The following HOOK3 variants were observed in gnomAD, a reference collection of about 807,000 sequenced individuals.
The protein encoded by HOOK3 is protein Hook homolog 3.
A neutral mutation model predicts 116.3 loss-of-function variants in HOOK3; 24 were observed. That is an observed-to-expected ratio of 0.21 (90% CI 0.15 to 0.29). The LOEUF (loss-of-function observed/expected upper bound fraction) is 0.29. HOOK3 is among the 10% of genes least tolerant of loss of function. The probability of loss-of-function intolerance (pLI) is 1.00; values close to 1 mark genes in which losing one functional copy is unlikely to be tolerated. For missense variants in HOOK3, 632 were observed against 830.2 expected, an observed-to-expected ratio of 0.76 and a Z score of 2.93; for synonymous variants, 275 against 283.0, an observed-to-expected ratio of 0.97 and a Z score of 0.28.
intron 8 of HOOK3, among the ~76,000 whole-genome samples, chr8:42,962,506 G>A (rs1179451563): frequency 6.7e-6 from 1 of 149,758 alleles, no homozygotes; most frequent in Non-Finnish European, 1.5e-5. Context: ...TCTTGGACTC[G>A]AGTGATCCTC....
At chr8:42,994,486 G>C (rs1809227373) in intron 15 of HOOK3, 1 of 378,166 alleles carries the variant, frequency 2.6e-6, no homozygotes, top group African/African-American at 2.2e-5. Context: ...GTATCCCATA[G>C]ATTTCGGTAT....
chr8:42,923,081 T>G (rs761014577), intron 2 of HOOK3, among the ~76,000 whole-genome samples: 1 of 152,186 alleles, frequency 6.6e-6, no homozygotes, highest in Non-Finnish European at 1.5e-5. Context: ...AGAGAGGATA[T>G]ACAATGGCCA....
chr8:42,939,256 G>A (rs947255825), intron 4 of HOOK3, among the ~76,000 whole-genome samples: 1 of 152,212 alleles, frequency 6.6e-6, no homozygotes, highest in African/African-American at 2.4e-5. Context: ...CGGGGTGGTG[G>A]CCGGGAAGAG....
intron 4 of HOOK3, among the ~76,000 whole-genome samples, chr8:42,930,386 A>G (rs1411310581): frequency 6.6e-6 from 1 of 152,162 alleles, no homozygotes. Context: ...TAGTTTGTAG[A>G]TGATTTATAA....
intron 2 of HOOK3, among the ~76,000 whole-genome samples, chr8:42,922,871 C>G (rs1807683319): frequency 6.8e-6 from 1 of 147,056 alleles, no homozygotes; most frequent in African/African-American, 2.5e-5. Context: ...CAGAGTGAGA[C>G]TCTGTCTCAA....
chr8:42,903,778 A>G (rs1009180301), intron 1 of HOOK3, among the ~76,000 whole-genome samples: 3 of 150,372 alleles, frequency 2.0e-5, no homozygotes, highest in African/African-American at 7.3e-5. Flanking sequence ...ACACGGTGAA[A>G]CCCTGTCTCT....
At chr8:42,919,953 G>T (rs1309643759) in intron 2 of HOOK3, among the ~76,000 whole-genome samples, 3 of 145,124 alleles carry the variant, frequency 2.1e-5, no homozygotes, top group Non-Finnish European at 3.0e-5. Context: ...GAGGGAGAGG[G>T]TTTTTTTTTT....
rs1809884684 is a variant in HOOK3 at position 43,023,914 on chromosome 8, A to G, written c.*5416A>G. 1 of 200,992 alleles carries G rather than the reference A, an allele frequency of 5.0e-6. No homozygotes were observed. The highest frequency in any genetic ancestry group is 2.3e-5 in the African/African-American group (1 of 43,534). The allele number at this position is 200,992 out of a possible 1,614,324, so 12.5% of individuals were successfully genotyped here. A position where few individuals can be genotyped will look rare whatever the true frequency, so the allele number is the denominator to read the frequency against. On this transcript the variant is annotated 3_prime_UTR_variant, in exon 22 of 22. Coordinates refer to ENST00000307602, the MANE Select transcript of HOOK3 (RefSeq NM_032410.4). ...AAAACTTGGAAGTCTTTATCCCAAT[A>G]TAAGAATTATCTTGAAACAAAAATC...
Position 42,975,851 on chromosome 8 carries a change from G to T in HOOK3, c.1321+1657G>T, listed in dbSNP as rs188826206. 2.6e-5 allele frequency among the ~76,000 whole-genome samples: 4 copies of T among 152,178 alleles called. No homozygotes were observed. The East Asian group carries it at 5.8e-4, about 22-fold the overall frequency. ...CTCCCTAGTAGCTGGGACTACAGGG[G>T]TGTGCCACCACGCCCGGCTAATTTT... On this transcript the variant is annotated intron_variant, in intron 13 of 21. Transcript: ENST00000307602.
intron 18 of HOOK3, among the ~76,000 whole-genome samples, chr8:43,009,964 T>A (rs530441064): frequency 3.3e-5 from 5 of 152,266 alleles, no homozygotes; most frequent in African/African-American, 1.2e-4. Context: ...TGTCTCCATA[T>A]CATAGCATGT....
At chr8:43,002,737 G>T (rs1164051813) in intron 17 of HOOK3, among the ~76,000 whole-genome samples, 1 of 152,130 alleles carries the variant, frequency 6.6e-6, no homozygotes, top group Non-Finnish European at 1.5e-5. Flanking sequence ...AAGAGGCAGG[G>T]TCACTATGTT....
intron 4 of HOOK3, among the ~76,000 whole-genome samples, chr8:42,939,578 C>G (rs1337603344): frequency 1.4e-5 from 2 of 138,562 alleles, no homozygotes; most frequent in African/African-American, 5.4e-5. Flanking sequence ...GGGGCTGACC[C>G]CCCCACCTCC....
At chr8:42,904,557 C>T (rs1327582299) in intron 1 of HOOK3, among the ~76,000 whole-genome samples, 2 of 151,968 alleles carry the variant, frequency 1.3e-5, no homozygotes, top group South Asian at 2.1e-4. Flanking sequence ...GTGATCCATC[C>T]GACTCCGCCT....
chr8:42,905,156 T>C (rs1807278217), intron 1 of HOOK3, among the ~76,000 whole-genome samples: 1 of 152,200 alleles, frequency 6.6e-6, no homozygotes, highest in South Asian at 2.1e-4. Flanking sequence ...CTTCTACATC[T>C]GTGTAAAGAT....
chr8:42,928,822 A>T (rs1037541512), intron 3 of HOOK3, among the ~76,000 whole-genome samples: 33 of 152,186 alleles, frequency 2.2e-4, no homozygotes, highest in Admixed American at 4.6e-4. Flanking sequence ...TGGGCGAATC[A>T]CCTGAGGTCA....
intron 21 of HOOK3, among the ~76,000 whole-genome samples, chr8:43,014,021 G>T (rs777061321): frequency 1.3e-5 from 2 of 152,058 alleles, no homozygotes; most frequent in Non-Finnish European, 2.9e-5. Context: ...AGGCGTGATG[G>T]CTCACTTCTG....
intron 2 of HOOK3, among the ~76,000 whole-genome samples, chr8:42,924,924 G>A (rs577902466): frequency 6.7e-6 from 1 of 149,902 alleles, no homozygotes; most frequent in South Asian, 2.1e-4. Context: ...AGTGAGCCGA[G>A]ATCACACCAT....
At chr8:42,931,951 C>A (rs957444837) in intron 4 of HOOK3, among the ~76,000 whole-genome samples, 1 of 152,130 alleles carries the variant, frequency 6.6e-6, no homozygotes, top group African/African-American at 2.4e-5. Flanking sequence ...GACAGGGTTT[C>A]ACCATATTGG....
intron 13 of HOOK3, among the ~76,000 whole-genome samples, chr8:42,976,684 T>C (rs1156951578): frequency 6.6e-6 from 1 of 151,978 alleles, no homozygotes; most frequent in Non-Finnish European, 1.5e-5. Context: ...GATCACAAGG[T>C]CAGGAGATCG....
Sources: allele counts gnomAD v4.1 joint callset (sites outside exome capture counted in the v4.1 genomes callset), GRCh38; gene constraint gnomAD v4.1.1; transcripts MANE v1.5; gene names NCBI Gene and HGNC (gene_info 2026-07-23, HGNC 2026-07-21).